The following NDE1 variants were observed in gnomAD, a reference collection of about 807,000 sequenced individuals.
NDE1 encodes nudE neurodevelopment protein 1, also known as nuclear distribution protein nudE homolog 1.
Under a neutral mutation model 43.4 loss-of-function variants are expected in NDE1, and 28 were observed. That is an observed-to-expected ratio of 0.65 (90% CI 0.48 to 0.89). NDE1 has a LOEUF of 0.89. NDE1 is among the 40% of genes least tolerant of loss of function. The pLI is 0.00. For missense variants in NDE1, 441 were observed against 434.1 expected (o/e 1.02, Z -0.14); for synonymous variants, 184 against 172.0 (o/e 1.07, Z -0.55).
At chr16:15,723,833 G>A (rs2040607589) in intron 8 of NDE1, among the ~76,000 whole-genome samples, 1 of 152,126 alleles carries the variant, frequency 6.6e-6, no homozygotes, top group Non-Finnish European at 1.5e-5. Context: ...TACTCAATAG[G>A]TATTCAGTAA....
chr16:15,689,454 C>G (rs151216497), intron 5 of NDE1, among the ~76,000 whole-genome samples: 1 of 151,950 alleles, frequency 6.6e-6, no homozygotes, highest in African/African-American at 2.4e-5. Flanking sequence ...ATTGTGCCAC[C>G]GCACCCCAGC....
At chr16:15,700,115 G>C in intron 8 of NDE1, 1 of 1,119,082 alleles carries the variant, frequency 8.9e-7, no homozygotes. Context: ...TGTTGTTTTT[G>C]AGATAGAGTC....
Position 15,667,160 on chromosome 16 carries a change from C to G in NDE1, c.84-126C>G, listed in dbSNP as rs552625127. Reference sequence around the variant, plus strand: ...ACTCGGGAGACTGAGGCAGGAGAATCGCTTGAACCTGGAAAGCAGAGGTTG... The same window carrying G: ...ACTCGGGAGACTGAGGCAGGAGAATGGCTTGAACCTGGAAAGCAGAGGTTG... On this transcript the variant is annotated intron_variant, in intron 2 of 8. Transcript: ENST00000396354. The G allele has an allele frequency of 1.6e-5, 17 of 1,070,962 alleles. No individual in the cohort carries two copies. In the African/African-American group the frequency reaches 2.6e-4, roughly 17 times the overall value. 66.3% of individuals were successfully genotyped at this position (1,070,962 alleles called of 1,614,324 possible). A position where few individuals can be genotyped will look rare whatever the true frequency, so the allele number is the denominator to read the frequency against.
chr16:15,681,518 C>T (rs1364676771), intron 4 of NDE1, among the ~76,000 whole-genome samples: 3 of 151,904 alleles, frequency 2.0e-5, no homozygotes, highest in East Asian at 3.9e-4. Context: ...ACCTTGGCCT[C>T]CCAAAGTGCT....
At chr16:15,720,388 C>T (rs999698534) in intron 8 of NDE1, 24 of 1,538,458 alleles carry the variant, frequency 1.6e-5, no homozygotes, top group Admixed American at 1.9e-5. Context: ...CAGCACATCA[C>T]TGCACCCCTT....
intron 8 of NDE1, chr16:15,703,771 A>G (rs1290198032): frequency 4.9e-6 from 3 of 616,046 alleles, no homozygotes; most frequent in Non-Finnish European, 8.6e-6. Context: ...AAATTCTTGT[A>G]TAGATGAGGT....
chr16:15,692,472 C>T (rs1468962152), intron 6 of NDE1, among the ~76,000 whole-genome samples: 4 of 151,870 alleles, frequency 2.6e-5, no homozygotes, highest in South Asian at 2.1e-4. Flanking sequence ...TGCAATGGTG[C>T]GATATTGGCT....
chr16:15,661,909 C>T (rs1464311432), intron 1 of NDE1, among the ~76,000 whole-genome samples: 1 of 151,708 alleles, frequency 6.6e-6, no homozygotes, highest in Non-Finnish European at 1.5e-5. Flanking sequence ...TTTTTGGAGT[C>T]CATTTCTGTT....
In NDE1 at chr16:15,675,638, G is replaced by T. The variant is rs867299880; in HGVS notation, c.238-2163G>T. Among the ~76,000 whole-genome samples the T allele has an allele frequency of 3.0e-4, 46 of 152,106 alleles. 1 individual carries two copies. The highest frequency in any genetic ancestry group is 1.2e-3 in the South Asian group (6 of 4,828). ...TTTTGTAGAGGCAGAGTCTTGCCCA[G>T]GCTGGTCGAGAACTCCTGGGCTCAA... is the stretch of plus-strand genomic sequence containing the variant. On this transcript the variant is annotated intron_variant, in intron 3 of 8. Coordinates refer to ENST00000396354, the MANE Select transcript of NDE1 (RefSeq NM_017668.3).
chr16:15,710,478 G>A (rs774151336), intron 8 of NDE1, among the ~76,000 whole-genome samples: 6 of 152,044 alleles, frequency 3.9e-5, no homozygotes, highest in African/African-American at 1.2e-4. Flanking sequence ...CCGAGATCGC[G>A]CCACTGCACT....
intron 4 of NDE1, among the ~76,000 whole-genome samples, chr16:15,684,816 ACT>A (rs2038353255): frequency 6.6e-6 from 1 of 151,984 alleles, no homozygotes; most frequent in Non-Finnish European, 1.5e-5. Flanking sequence ...TATAAATTAA[ACT>A]CTTGTCTATT....
chr16:15,678,920 C>T (rs1897514716), intron 4 of NDE1, among the ~76,000 whole-genome samples: 1 of 151,710 alleles, frequency 6.6e-6, no homozygotes, highest in African/African-American at 2.4e-5. Flanking sequence ...ACTAAAAATA[C>T]AAAAAATTAG....
intron 6 of NDE1, among the ~76,000 whole-genome samples, chr16:15,691,748 C>A (rs758789277): frequency 1.3e-5 from 2 of 150,540 alleles, no homozygotes; most frequent in African/African-American, 4.9e-5. Flanking sequence ...TCAAGTGATT[C>A]TCCCACCTCA....
intron 8 of NDE1, among the ~76,000 whole-genome samples, chr16:15,700,959 G>C (rs189757119): frequency 6.6e-6 from 1 of 152,120 alleles, no homozygotes; most frequent in Non-Finnish European, 1.5e-5. Flanking sequence ...GAATAGGCTG[G>C]GCGCGGTGGC....
chr16:15,703,706 A>C lies in NDE1; in HGVS notation c.947+6846A>C, dbSNP rs2039304646. ...TGGGCTGGAGCGTTCTTCCTGGCTC[A>C]GCCTCCCTAGTAGCTGGGACCACAG... On this transcript the variant is annotated intron_variant, in intron 8 of 8. Transcript: ENST00000396354. 4.1e-5 allele frequency: 19 copies of C among 465,392 alleles called. 2 individuals are homozygous for C. The highest frequency in any genetic ancestry group is 4.0e-4 in the South Asian group (19 of 47,838). 28.8% of individuals were successfully genotyped at this position (465,392 alleles called of 1,614,324 possible). A position where few individuals can be genotyped will look rare whatever the true frequency, so the allele number is the denominator to read the frequency against.
intron 3 of NDE1, among the ~76,000 whole-genome samples, chr16:15,676,573 G>T (rs979296696): frequency 6.6e-6 from 1 of 152,008 alleles, no homozygotes; most frequent in Non-Finnish European, 1.5e-5. Flanking sequence ...ATGTCACAAC[G>T]GGGAGTCCTG....
At chr16:15,664,999 G>C (rs1444843261) in intron 2 of NDE1, 138 bp downstream of exon 2, 9 of 675,218 alleles carry the variant, frequency 1.3e-5, no homozygotes, top group Non-Finnish European at 2.1e-5. Flanking sequence ...GGGCTTAAGC[G>C]ATCATCCTGG....
At chr16:15,714,836 G>GA (rs2040026900) in intron 8 of NDE1, 2 of 1,586,648 alleles carry the variant, frequency 1.3e-6, no homozygotes, top group Non-Finnish European at 8.6e-7. Context: ...TTTGCAGGCC[G>GA]AAAGGAGCCC....
chr16:15,654,270 A>G (rs1027989334), intron 1 of NDE1, among the ~76,000 whole-genome samples: 12 of 152,062 alleles, frequency 7.9e-5, no homozygotes, highest in African/African-American at 2.9e-4. Context: ...TACTGAGACC[A>G]GGCATTAACA....
Sources: allele counts gnomAD v4.1 joint callset (sites outside exome capture counted in the v4.1 genomes callset), GRCh38; gene constraint gnomAD v4.1.1; transcripts MANE v1.5; gene names NCBI Gene and HGNC (gene_info 2026-07-23, HGNC 2026-07-21).